UBE2L6: variants seen among roughly 807,000 people sequenced by gnomAD.
UBE2L6 encodes ubiquitin conjugating enzyme E2 L6.
Under a neutral mutation model 13.6 loss-of-function variants are expected in UBE2L6, and 11 were observed. The observed-to-expected ratio is 0.81, with a 90% CI of 0.51 to 1.34. The LOEUF is 1.34. Ranked by LOEUF, UBE2L6 falls within the 40% of genes most tolerant of loss-of-function variation. The pLI is 0.00. For synonymous variants in UBE2L6, 74 were observed against 83.2 expected, an observed-to-expected ratio of 0.89 and a Z score of 0.60; for missense variants, 197 against 199.5, an observed-to-expected ratio of 0.99 and a Z score of 0.07.
intron 1 of UBE2L6, among the ~76,000 whole-genome samples, chr11:57,564,721 TG>T (rs1445803687): frequency 6.6e-6 from 1 of 151,896 alleles, no homozygotes; most frequent in Non-Finnish European, 1.5e-5. Context: ...GAGAATCACT[TG>T]AACCCACGAG....
At chr11:57,567,434 A>G in intron 1 of UBE2L6, 151 bp downstream of exon 1, 2 of 1,132,874 alleles carry the variant, frequency 1.8e-6, no homozygotes. Context: ...TCCTCCTCTG[A>G]GTAGAGGGCG....
At chr11:57,565,507 G>C (rs1167633519) in intron 1 of UBE2L6, among the ~76,000 whole-genome samples, 1 of 151,846 alleles carries the variant, frequency 6.6e-6, no homozygotes, top group African/African-American at 2.4e-5. Flanking sequence ...TAGGACTACA[G>C]CAGTGTGCTA....
Position 57,567,624 on chromosome 11 carries a change from T to G in UBE2L6, c.-13A>C. ...TGCTCGCCATCATGTCGGGACCGAG[T>G]GTGTGGCACCCGTGGCCTCCAGCAG... On this transcript the variant is annotated 5_prime_UTR_variant, in exon 1 of 4. Coordinates refer to ENST00000287156, the MANE Select transcript of UBE2L6 (RefSeq NM_004223.5). 22 of 1,606,622 alleles carry G rather than the reference T, an allele frequency of 1.4e-5. No homozygotes were observed. The highest frequency in any genetic ancestry group is 1.9e-5 in the Non-Finnish European group (22 of 1,177,486).
At chr11:57,553,487 C>T (rs974314806) in intron 3 of UBE2L6, among the ~76,000 whole-genome samples, 5 of 151,708 alleles carry the variant, frequency 3.3e-5, no homozygotes, top group Non-Finnish European at 7.4e-5. Flanking sequence ...AGAGACAGAC[C>T]GTGTCTCAGT....
rs943909535 is a variant in UBE2L6 at position 57,565,758 on chromosome 11, C to A, written c.27+1827G>T. ...AGGTTATAAGATATTATTTACAAAC[C>A]TTGTAGTAACCTCAAATCTAAAAAC... is the stretch of plus-strand genomic sequence containing the variant. On this transcript the variant is annotated intron_variant, in intron 1 of 3. Transcript: ENST00000287156. Among the ~76,000 whole-genome samples, 6 of 152,150 alleles carry A rather than the reference C, an allele frequency of 3.9e-5. No homozygotes were observed. The South Asian group carries it at 1.2e-3, about 32-fold the overall frequency.
chr11:57,565,356 GTTTTTTTTTTTTT>G (rs370848897), intron 1 of UBE2L6, among the ~76,000 whole-genome samples: 3 of 98,146 alleles, frequency 3.1e-5, no homozygotes, highest in Admixed American at 2.6e-4. Flanking sequence ...TGTATTAGTT[GTTTTTTTTTTTTT>G]TTTTTTTTTT....
intron 1 of UBE2L6, chr11:57,567,154 G>C: frequency 2.2e-6 from 1 of 464,396 alleles, no homozygotes; most frequent in Non-Finnish European, 4.3e-6. Flanking sequence ...CAAATTATGG[G>C]ATGGGCTATG....
chr11:57,555,467 C>A (rs2649653), intron 2 of UBE2L6, among the ~76,000 whole-genome samples: 2 of 151,546 alleles, frequency 1.3e-5, no homozygotes, highest in African/African-American at 4.9e-5. Flanking sequence ...AAGTGGTCAC[C>A]AGGTGCTGGG....
At chr11:57,554,382 C>T in intron 3 of UBE2L6, 55 bp downstream of exon 3, 1 of 1,575,410 alleles carries the variant, frequency 6.3e-7, no homozygotes, top group African/African-American at 1.4e-5. Context: ...TGAACCCCCT[C>T]TCCAGTAATC....
At position 57,567,664 on chromosome 11, in the gene UBE2L6, C is replaced by T. The variant is rs1945104234; in HGVS notation, c.-53G>A. On this transcript the variant is annotated 5_prime_UTR_variant, in exon 1 of 4. Transcript: ENST00000287156. ...GCCTCCAGCAGGACCGAGCTCCGAC[C>T]CGCGACACAGCGCGCCCCGCCCCGC... 1 of 1,572,502 alleles carries T rather than the reference C, an allele frequency of 6.4e-7. No individual in the cohort carries two copies. Among genetic ancestry groups the T allele is most frequent in the East Asian group, 2.3e-5 (1 of 43,384 alleles).
rs370848897 is a variant in UBE2L6 at position 57,565,356 on chromosome 11, G to GTTT, written c.27+2226_27+2228dup. The stretch of plus-strand genomic sequence containing the variant: ...TTAAAGTATACAGTTTGTATTAGTT[G>GTTT]TTTTTTTTTTTTTTTTTTTTTTTTT... On this transcript the variant is annotated intron_variant, in intron 1 of 3. Transcript: ENST00000287156. 4.6e-4 allele frequency among the ~76,000 whole-genome samples: 45 copies of GTTT among 98,228 alleles called. 2 individuals are homozygous for GTTT. Among genetic ancestry groups the GTTT allele is most frequent in the Non-Finnish European group, 5.9e-4 (29 of 49,120 alleles). The allele number at this position is 98,228 out of a possible 152,430, so 64.4% of individuals were successfully genotyped here.
intron 1 of UBE2L6, among the ~76,000 whole-genome samples, chr11:57,562,708 C>T (rs954832858): frequency 1.3e-5 from 2 of 152,220 alleles, no homozygotes; most frequent in Non-Finnish European, 2.9e-5. Flanking sequence ...AGAATTCTTC[C>T]TGATGTTATC....
rs761042943 is a variant in UBE2L6 at position 57,554,586 on chromosome 11, C to T, written c.161G>A (p.Arg54His). 5.0e-6 allele frequency: 8 copies of T among 1,613,948 alleles called. No homozygotes were observed. In the South Asian group the frequency reaches 7.7e-5, roughly 16 times the overall value. ...CGGATACTCCGGCGGGAAGCTGATG[C>T]GCAGGTTGAAGGCTTTCAGGTGGTA... ...PPYHLKAFNL[R>H]ISFPPEYPFK... Residue 54 changes from arginine (R) to histidine (H), a missense_variant, in exon 3 of 4, where the codon CGC becomes CAC. Transcript: ENST00000287156.
chr11:57,567,552 C>T (rs938112597), intron 1 of UBE2L6, 33 bp downstream of exon 1: 1 of 1,603,246 alleles, frequency 6.2e-7, no homozygotes, highest in Non-Finnish European at 8.5e-7. Flanking sequence ...GCGAGGGGAG[C>T]CAAGAGAAAG....
intron 2 of UBE2L6, among the ~76,000 whole-genome samples, chr11:57,560,065 T>C (rs1945026376): frequency 6.6e-6 from 1 of 152,210 alleles, no homozygotes; most frequent in Admixed American, 6.5e-5. Flanking sequence ...GTTTGTCTCC[T>C]GAAGTTCTGT....
rs767476536 is a variant in UBE2L6, at chr11:57,554,512, C to T, written c.235G>A (p.Val79Met). 2.4e-5 allele frequency: 38 copies of T among 1,614,008 alleles called. No homozygotes were observed. In the East Asian group the frequency reaches 5.1e-4, roughly 22 times the overall value. Reference protein sequence around the residue: ...KFTTKIYHPNVDENGQICLPI... With the variant: ...KFTTKIYHPNMDENGQICLPI... ...AGGCAAATCTGTCCGTTCTCGTCCACGTTGGGGTGGTAGATCTTGGTTGTG... is the reference window on the plus strand; with the variant it reads ...AGGCAAATCTGTCCGTTCTCGTCCATGTTGGGGTGGTAGATCTTGGTTGTG... Residue 79 changes from valine to methionine, a missense_variant, in exon 3 of 4, where the codon GTG (valine) becomes ATG (methionine). By Grantham distance (21) the Val-to-Met change is conservative. Coordinates refer to ENST00000287156, the MANE Select transcript of UBE2L6 (RefSeq NM_004223.5).
intron 1 of UBE2L6, chr11:57,567,187 T>A (rs1945099344): frequency 2.2e-6 from 1 of 458,310 alleles, no homozygotes; most frequent in African/African-American, 2.0e-5. Flanking sequence ...GGCAAGGACT[T>A]CATCCTGGTC....
chr11:57,565,136 G>C (rs1242703102), intron 1 of UBE2L6, among the ~76,000 whole-genome samples: 2 of 151,816 alleles, frequency 1.3e-5, no homozygotes, highest in Non-Finnish European at 2.9e-5. Context: ...CAGCTACTCA[G>C]GAGGCTGAGG....
At position 57,552,478 on chromosome 11, in the gene UBE2L6, T is replaced by A; in HGVS notation, c.342A>T (p.Arg114Ser). ...TCCGCAGGGGCTCCCTGATATTCGG[T>A]CTATTCACCAGCACATTGAGGGCCT... is the stretch of plus-strand genomic sequence containing the variant. The part of the protein sequence containing the change: ...VLEALNVLVN[R>S]PNIREPLRMD... The change falls in exon 4 of 4, where the codon AGA becomes AGT. Residue 114 changes from arginine (R) to serine (S), a missense_variant. Coordinates refer to ENST00000287156, the MANE Select transcript of UBE2L6 (RefSeq NM_004223.5). The A allele has an allele frequency of 6.2e-7, 1 of 1,614,054 alleles. No homozygotes were observed. The highest frequency in any genetic ancestry group is 1.3e-5 in the African/African-American group (1 of 74,988).
Sources: gnomAD v4.1 joint callset for allele counts (sites outside exome capture counted in the v4.1 genomes callset) on GRCh38, gnomAD v4.1.1 for gene constraint, MANE v1.5 for transcripts, NCBI Gene and HGNC (gene_info 2026-07-23, HGNC 2026-07-21) for gene names.